Variants in PIN4 observed in about 807,000 individuals in gnomAD.
The protein encoded by PIN4 is peptidylprolyl cis/trans isomerase, NIMA-interacting 4.
In PIN4, 3 loss-of-function variants were observed where a neutral mutation model predicts 8.3. The ratio of observed to expected loss-of-function variants is 0.36; its 90% CI spans 0.16 to 0.93. PIN4 has a LOEUF of 0.93. Ranked by LOEUF, PIN4 falls within the 40% of genes least tolerant of loss-of-function variation. The pLI is 0.44. For synonymous variants in PIN4, 18 were observed against 32.5 expected (o/e 0.55, Z 1.52); for missense variants, 75 against 100.6 (o/e 0.75, Z 1.09).
At chrX:72,184,019 A>C (rs1413745996) in intron 1 of PIN4, among the ~76,000 whole-genome samples, 1 of 112,491 alleles carries the variant, frequency 8.9e-6, no homozygotes, top group Non-Finnish European at 1.9e-5. Context: ...ACTAAGATCA[A>C]AGGCCATGAA....
chrX:72,204,962 A>C, intron 3 of PIN4: 2 of 1,023,051 alleles, frequency 2.0e-6, no homozygotes, highest in Non-Finnish European at 2.6e-6. Flanking sequence ...ATGGGAACAA[A>C]AATTCCCTCA....
chrX:72,198,540 G>C (rs148818378), downstream of PIN4, among the ~76,000 whole-genome samples: 2 of 112,275 alleles, frequency 1.8e-5, no homozygotes, highest in Admixed American at 1.9e-4. Context: ...ATACAGAGAA[G>C]TTCAAATAGA....
At chrX:72,241,593 C>G (rs1003463406) in intron 3 of PIN4, among the ~76,000 whole-genome samples, 2 of 112,458 alleles carry the variant, frequency 1.8e-5, no homozygotes, top group African/African-American at 6.5e-5. Context: ...GAGGCTGAGG[C>G]GGGCAGATCA....
chrX:72,182,603 C>A (rs899264260), intron 1 of PIN4, among the ~76,000 whole-genome samples: 11 of 110,634 alleles, frequency 9.9e-5, no homozygotes, highest in African/African-American at 3.6e-4. Context: ...AAGATAAAGG[C>A]TTAGTGATCA....
At position 72,191,943 on chromosome X, in the gene PIN4, G is replaced by T. The variant is rs73624220; in HGVS notation, c.118-4842G>T. Reference sequence around the variant, plus strand: ...GCCCAGGGACCTTTAAAATTCGTGGGTTTTTTTGTTTTTGTTTTTGTTTTT... The same window carrying T: ...GCCCAGGGACCTTTAAAATTCGTGGTTTTTTTTGTTTTTGTTTTTGTTTTT... On this transcript the variant is annotated intron_variant, in intron 2 of 3. Coordinates refer to ENST00000373669, the MANE Select transcript of PIN4 (RefSeq NM_006223.4). 2.2e-3 allele frequency among the ~76,000 whole-genome samples: 244 copies of T among 108,779 alleles called. 4 individuals are homozygous for T. The highest frequency in any genetic ancestry group is 7.8e-3 in the African/African-American group (228 of 29,262). 94.5% of individuals were successfully genotyped at this position (108,779 alleles called of 115,157 possible).
At chrX:72,234,605 T>C (rs1212384319) in intron 3 of PIN4, among the ~76,000 whole-genome samples, 1 of 110,610 alleles carries the variant, frequency 9.0e-6, no homozygotes, top group African/African-American at 3.3e-5. Context: ...TTTTTAACAA[T>C]GAAAGAATTG....
intron 1 of PIN4, among the ~76,000 whole-genome samples, chrX:72,183,744 G>A (rs2042685011): frequency 8.9e-6 from 1 of 112,031 alleles, no homozygotes; most frequent in Non-Finnish European, 1.9e-5. Context: ...TATTTTCTTT[G>A]CTTCTTTGGA....
chrX:72,204,909 T>C, intron 3 of PIN4: 2 of 733,283 alleles, frequency 2.7e-6, no homozygotes, highest in Non-Finnish European at 3.8e-6. Context: ...GAGATCTTTC[T>C]TGCCTTAAGC....
chrX:72,207,957 T>C (rs1440497743), intron 3 of PIN4: 2 of 1,209,486 alleles, frequency 1.7e-6, no homozygotes, highest in Non-Finnish European at 2.2e-6. Context: ...CAAAATCAAA[T>C]AGGGACCATA....
At chrX:72,239,149 G>T in intron 3 of PIN4, 8 of 389,363 alleles carry the variant, frequency 2.1e-5, no homozygotes, top group Admixed American at 4.2e-5. Flanking sequence ...CTGCGCCTAC[G>T]CGCGCCGGGA....
chrX:72,233,733 A>AAAAT lies in PIN4; in HGVS notation c.313-28974_313-28973insAAAT, dbSNP rs397966881. On this transcript the variant is annotated intron_variant, in intron 3 of 3. Transcript: ENST00000423432. ...CAAGACTCCGTCTCAAAAAAAAAAA[A>AAAAT]TTTGAATATGGACTATGTATTAGAT... Among the ~76,000 whole-genome samples, 9 of 109,133 alleles carry AAAAT rather than the reference A, an allele frequency of 8.2e-5. 1 individual carries two copies. Among genetic ancestry groups the AAAAT allele is most frequent in the African/African-American group, 3.0e-4 (9 of 29,679 alleles). The allele number at this position is 109,133 out of a possible 115,157, so 94.8% of individuals were successfully genotyped here.
intron 3 of PIN4, among the ~76,000 whole-genome samples, chrX:72,250,673 A>G (rs2147615489): frequency 9.3e-6 from 1 of 108,070 alleles, no homozygotes; most frequent in East Asian, 2.9e-4. Flanking sequence ...ACATAATGAG[A>G]CCCGTCTCTA....
At chrX:72,226,107 A>C (rs1405023333) in intron 3 of PIN4, among the ~76,000 whole-genome samples, 6 of 110,781 alleles carry the variant, frequency 5.4e-5, no homozygotes, top group Non-Finnish European at 7.6e-5. Context: ...TCAACACTCT[A>C]TCTCTCTTCA....
chrX:72,204,868 G>A (rs6625979), intron 3 of PIN4: 104,395 of 406,412 alleles, frequency 0.26, 10,314 homozygotes, highest in East Asian at 0.52. Context: ...ACTATGGAGT[G>A]GGGGGCGTTG....
intron 3 of PIN4, among the ~76,000 whole-genome samples, chrX:72,252,379 GTCTTT>G (rs1378446956): frequency 1.9e-5 from 2 of 106,333 alleles, no homozygotes; most frequent in African/African-American, 7.0e-5. Context: ...TGGCCTCCAG[GTCTTT>G]TCTTTTCTTT....
At chrX:72,206,550 T>G in intron 3 of PIN4, 1 of 1,211,279 alleles carries the variant, frequency 8.3e-7, no homozygotes, top group Non-Finnish European at 1.1e-6. Context: ...TCTTCTTTGT[T>G]GAAGAAGGAA....
rs760407590 is a variant in PIN4, at chrX:72,196,887, G to A, written c.220G>A (p.Asp74Asn). 8.4e-7 allele frequency: 1 copy of A among 1,194,516 alleles called. No individual in the cohort carries two copies. The highest frequency in any genetic ancestry group is 1.9e-5 in the South Asian group (1 of 52,762). Residue 74 changes from aspartate (D) to asparagine (N), a missense_variant, in exon 3 of 4, where the codon GAT (aspartate) becomes AAT (asparagine). Coordinates refer to ENST00000373669, the MANE Select transcript of PIN4 (RefSeq NM_006223.4). The stretch of plus-strand genomic sequence containing the variant: ...TGAAGTGGCCGCACAGTATAGTGAA[G>A]ATAAAGCCAGGCAAGGGGTATGTTG... ...FNEVAAQYSE[D>N]KARQGGDLGW...
chrX:72,231,829 T>C, intron 3 of PIN4, among the ~76,000 whole-genome samples: 1 of 112,119 alleles, frequency 8.9e-6, no homozygotes, highest in Non-Finnish European at 1.9e-5. Flanking sequence ...GTGATGGATA[T>C]GTTAATTAGC....
At position 72,197,545 on chromosome X, in the gene PIN4, A is replaced by G. The variant is rs369019391; in HGVS notation, c.*19A>G. 155 of 1,173,388 alleles carry G rather than the reference A, an allele frequency of 1.3e-4. No homozygotes were observed. Among genetic ancestry groups the G allele is most frequent in the Non-Finnish European group, 1.7e-4 (147 of 864,374 alleles). On this transcript the variant is annotated 3_prime_UTR_variant, in exon 4 of 4. Transcript: ENST00000373669. ...AAAATAAAATCATATGAAAGACTGA[A>G]TAAGTTTTATACATTTTGTTTCTTT... is the stretch of plus-strand genomic sequence containing the variant.
Sources: allele counts gnomAD v4.1 joint callset (sites outside exome capture counted in the v4.1 genomes callset), GRCh38; gene constraint gnomAD v4.1.1; transcripts MANE v1.5; gene names NCBI Gene and HGNC (gene_info 2026-07-23, HGNC 2026-07-21).